NAV3: variants seen among roughly 807,000 people sequenced by gnomAD.
The protein encoded by NAV3 is pore membrane and/or filament interacting like protein 1.
In NAV3, 87 loss-of-function variants were observed where a neutral mutation model predicts 244.7. The ratio of observed to expected loss-of-function variants is 0.36; its 90% confidence interval spans 0.30 to 0.42. The LOEUF (loss-of-function observed/expected upper bound fraction) is 0.42, where lower values mean the gene tolerates loss of function less well. NAV3 is among the 20% of genes least tolerant of loss of function. NAV3 has a pLI of 1.00. For synonymous variants in NAV3, 1,126 were observed against 1,042.2 expected, an observed-to-expected ratio of 1.08 and a Z score of -1.55; for missense variants, 2,663 against 2,893.3, an observed-to-expected ratio of 0.92 and a Z score of 1.83.
chr12:77,985,728 C>T (rs922398721), intron 5 of NAV3, among the ~76,000 whole-genome samples: 2 of 151,818 alleles, frequency 1.3e-5, no homozygotes, highest in African/African-American at 4.8e-5. Context: ...TAGATTCTTC[C>T]CTTTCTTTCA....
intron 5 of NAV3, among the ~76,000 whole-genome samples, chr12:77,977,712 G>GCGCACACACACACACACACACGCA (rs1349366739): frequency 7.0e-6 from 1 of 143,000 alleles, no homozygotes; most frequent in East Asian, 2.0e-4. Flanking sequence ...ACACACACGC[G>GCGCACACACACACACACACACGCA]CACACACACA....
intron 2 of NAV3, among the ~76,000 whole-genome samples, chr12:77,728,570 G>T (rs916566961): frequency 6.6e-6 from 1 of 151,860 alleles, no homozygotes; most frequent in Non-Finnish European, 1.5e-5. Context: ...GGGTAATACC[G>T]ATTGAATTTT....
chr12:77,918,464 G>A (rs188000976), intron 1 of NAV3, among the ~76,000 whole-genome samples: 1 of 152,184 alleles, frequency 6.6e-6, no homozygotes, highest in East Asian at 1.9e-4. Flanking sequence ...ATTGGAAAAT[G>A]TATCAGGTAG....
chr12:78,166,582 CAT>C (rs1593870786), intron 23 of NAV3, among the ~76,000 whole-genome samples: 2 of 151,792 alleles, frequency 1.3e-5, no homozygotes, highest in East Asian at 3.9e-4. Flanking sequence ...CTTCCTTTTA[CAT>C]ATATTGTGCC....
intron 1 of NAV3, among the ~76,000 whole-genome samples, chr12:77,835,631 G>T (rs1300614560): frequency 6.6e-6 from 1 of 151,996 alleles, no homozygotes; most frequent in Non-Finnish European, 1.5e-5. Flanking sequence ...TTATAGCTTG[G>T]GTTTATCTTC....
At chr12:77,600,427 A>G (rs1028338920) in intron 2 of NAV3, among the ~76,000 whole-genome samples, 5 of 151,776 alleles carry the variant, frequency 3.3e-5, no homozygotes, top group Non-Finnish European at 4.4e-5. Context: ...CCAACTCATC[A>G]TTTGTCACCT....
chr12:78,128,603 A>G, intron 17 of NAV3, 103 bp from the exon 18 acceptor site: 1 of 1,169,010 alleles, frequency 8.6e-7, no homozygotes, highest in Non-Finnish European at 1.2e-6. Flanking sequence ...TCTGTTTGAA[A>G]TTGTTCATTC....
intron 1 of NAV3, among the ~76,000 whole-genome samples, chr12:77,925,278 A>C (rs1888082680): frequency 2.0e-5 from 3 of 152,134 alleles, no homozygotes; most frequent in Admixed American, 1.3e-4. Context: ...ATTTTCTAAA[A>C]TTTGGTTTAG....
In NAV3 at chr12:78,006,615, C is replaced by A. The variant is rs368953799; in HGVS notation, c.1077C>A (p.Pro359=). Residue 359 remains proline, a synonymous_variant, in exon 8 of 40, where the codon CCC becomes CCA. Coordinates refer to ENST00000397909, the MANE Select transcript of NAV3 (RefSeq NM_001024383.2). ...TVKQSSTATS[P]TPSSDRLKPP... ...AGCAGTCAAGTACAGCCACCTCCCC[C>A]ACACCATCTTCAGACAGACTGAAGC... 3.8e-4 allele frequency: 607 copies of A among 1,614,116 alleles called. No homozygotes were observed. The Middle Eastern group carries it at 3.8e-3, about 10-fold the overall frequency.
intron 1 of NAV3, among the ~76,000 whole-genome samples, chr12:77,915,774 T>C (rs1345574820): frequency 6.6e-6 from 1 of 152,026 alleles, no homozygotes; most frequent in Non-Finnish European, 1.5e-5. Context: ...TTGATATGTG[T>C]ATTTTGTGGC....
intron 9 of NAV3, among the ~76,000 whole-genome samples, chr12:78,029,393 G>T (rs1332477731): frequency 2.0e-5 from 3 of 152,134 alleles, no homozygotes; most frequent in Non-Finnish European, 4.4e-5. Flanking sequence ...GAGACAACAT[G>T]ATAGAAATGC....
intron 38 of NAV3, among the ~76,000 whole-genome samples, chr12:78,201,514 G>A (rs1208418365): frequency 6.6e-6 from 1 of 151,730 alleles, no homozygotes; most frequent in African/African-American, 2.4e-5. Context: ...CTTCTATCTT[G>A]AGGCCCTGCA....
intron 9 of NAV3, chr12:78,037,441 C>T (rs1246617482): frequency 3.1e-6 from 2 of 636,478 alleles, no homozygotes; most frequent in Non-Finnish European, 5.7e-6. Flanking sequence ...ATTTCATAGT[C>T]TCTTATGAAA....
intron 2 of NAV3, among the ~76,000 whole-genome samples, chr12:77,743,133 T>A (rs1868371465): frequency 6.6e-6 from 1 of 152,052 alleles, no homozygotes; most frequent in Non-Finnish European, 1.5e-5. Context: ...ACTTACAGTA[T>A]CAATAAGTAT....
Position 78,137,212 on chromosome 12 carries a change from G to A in NAV3, c.4477G>A (p.Gly1493Arg), listed in dbSNP as rs1336283933. 2 of 1,612,406 alleles carry A rather than the reference G, an allele frequency of 1.2e-6. No individual in the cohort carries two copies. Among genetic ancestry groups the A allele is most frequent in the Non-Finnish European group, 8.5e-7 (1 of 1,179,144 alleles). Residue 1493 changes from glycine (G) to arginine (R), a missense_variant, in exon 19 of 40, where the codon GGG (glycine) becomes AGG (arginine). This residue lies in a region of NAV3 where 354 missense variants were observed against 413.0 expected (regional missense o/e 0.86). Coordinates refer to ENST00000397909, the MANE Select transcript of NAV3 (RefSeq NM_001024383.2). ...AAATTTGTCTCAGTTTAACCTTCCC[G>A]GGCCCAGCATGATGCGCTCAAACAG... ...PTNLSQFNLP[G>R]PSMMRSNSIP...
At chr12:77,685,364 C>T (rs1478303458) in intron 2 of NAV3, among the ~76,000 whole-genome samples, 2 of 152,054 alleles carry the variant, frequency 1.3e-5, no homozygotes, top group Admixed American at 6.6e-5. Context: ...CCAATGGCAT[C>T]ATATCATGGT....
Position 78,021,741 on chromosome 12 carries a change from T to C in NAV3, c.1908-6T>C. 1 of 1,601,794 alleles carries C rather than the reference T, an allele frequency of 6.2e-7. No individual in the cohort carries two copies. The highest frequency in any genetic ancestry group is 8.5e-7 in the Non-Finnish European group (1 of 1,170,500). Reference sequence around the variant, plus strand: ...TATTTCTTTCTATTTTCATGGTTAATTTCAGGGCACATTCAGAAAATGAAG... The same window carrying C: ...TATTTCTTTCTATTTTCATGGTTAACTTCAGGGCACATTCAGAAAATGAAG... On this transcript the variant is annotated splice_polypyrimidine_tract_variant and splice_region_variant and intron_variant, in intron 8 of 39. Transcript: ENST00000397909.
At chr12:77,620,652 C>T (rs760912982) in intron 2 of NAV3, among the ~76,000 whole-genome samples, 4 of 151,722 alleles carry the variant, frequency 2.6e-5, no homozygotes, top group Admixed American at 6.6e-5. Context: ...AGTAGAGATG[C>T]GGTTTCACCA....
intron 39 of NAV3, among the ~76,000 whole-genome samples, chr12:78,206,018 C>T (rs546559615): frequency 1.3e-5 from 2 of 152,124 alleles, no homozygotes; most frequent in Non-Finnish European, 2.9e-5. Context: ...AACCCTGACA[C>T]ACACATCATC....
Sources: gnomAD v4.1 joint callset for allele counts (sites outside exome capture counted in the v4.1 genomes callset) on GRCh38, gnomAD v4.1.1 for gene constraint, gnomAD v4.1.1 regional missense constraint, MANE v1.5 for transcripts, NCBI Gene and HGNC (gene_info 2026-07-23, HGNC 2026-07-21) for gene names.